The following RASGRF1 variants were observed in gnomAD, a reference collection of about 807,000 sequenced individuals.
RASGRF1 encodes Ras protein specific guanine nucleotide releasing factor 1.
Under a neutral mutation model 138.7 loss-of-function variants are expected in RASGRF1, and 40 were observed. The ratio of observed to expected loss-of-function variants is 0.29; its 90% CI spans 0.22 to 0.38. The LOEUF is 0.38. Among genes scored for constraint, RASGRF1 ranks in the 10% least tolerant of loss-of-function variants. RASGRF1 has a pLI of 1.00. For synonymous variants in RASGRF1, 614 were observed against 663.2 expected, an observed-to-expected ratio of 0.93 and a Z score of 1.14; for missense variants, 1,108 against 1,650.4, an observed-to-expected ratio of 0.67 and a Z score of 5.69.
At chr15:79,010,100 G>A (rs570159523) in intron 13 of RASGRF1, among the ~76,000 whole-genome samples, 51 of 150,034 alleles carry the variant, frequency 3.4e-4, no homozygotes, top group African/African-American at 1.0e-3. Flanking sequence ...GGGCAGTGGC[G>A]CAATGTCGGC....
chr15:79,024,878 T>C (rs1595913864), intron 10 of RASGRF1, among the ~76,000 whole-genome samples: 1 of 150,246 alleles, frequency 6.7e-6, no homozygotes, highest in South Asian at 2.1e-4. Flanking sequence ...CACACACACA[T>C]ATATATACAC....
At position 78,973,569 on chromosome 15, in the gene RASGRF1, T is replaced by C. The variant is rs144988501; in HGVS notation, c.3495-149A>G. On this transcript the variant is annotated intron_variant, in intron 24 of 26. Transcript: ENST00000558480. The surrounding 1 kb of genome is among the most constrained non-coding windows in gnomAD (Gnocchi z 4.9). The stretch of plus-strand genomic sequence containing the variant: ...TCACACTACACTCTAGAACTGACTA[T>C]TCTACACGCCCAGGACTGTCGGCTG... 3.2e-4 allele frequency: 194 copies of C among 606,038 alleles called. No individual in the cohort carries two copies. The highest frequency in any genetic ancestry group is 3.1e-3 in the African/African-American group (164 of 53,402). The allele number at this position is 606,038 out of a possible 1,614,324, so 37.5% of individuals were successfully genotyped here.
At chr15:78,984,521 C>T (rs986256650) in intron 23 of RASGRF1, 10 of 215,918 alleles carry the variant, frequency 4.6e-5, no homozygotes, top group East Asian at 4.2e-4. Context: ...CTAGCCAACA[C>T]GTTCCAGGAA....
intron 4 of RASGRF1, among the ~76,000 whole-genome samples, chr15:79,047,314 C>T (rs888847936): frequency 6.6e-6 from 1 of 152,166 alleles, no homozygotes; most frequent in African/African-American, 2.4e-5. Context: ...GATTCTCAAG[C>T]CCCACCCCAG....
intron 5 of RASGRF1, among the ~76,000 whole-genome samples, chr15:79,043,222 A>T (rs969269589): frequency 6.6e-5 from 10 of 152,214 alleles, no homozygotes; most frequent in Non-Finnish European, 1.3e-4. Flanking sequence ...CTGCTTGATC[A>T]GGATGTATTA....
chr15:78,966,421 A>G, intron 26 of RASGRF1, among the ~76,000 whole-genome samples: 1 of 142,278 alleles, frequency 7.0e-6, no homozygotes, highest in South Asian at 2.2e-4. Context: ...ATTTTTTTGT[A>G]GAGTTGGGAG....
rs1303838909 is a variant in RASGRF1, at chr15:79,027,674, G to A, written c.1381+67C>T. Reference sequence around the variant, plus strand: ...AAACCAACTGGTGGCGTCCCCGAGTGCCGCCTCCCTCCCGCTGCTGGGGCC... The same window carrying A: ...AAACCAACTGGTGGCGTCCCCGAGTACCGCCTCCCTCCCGCTGCTGGGGCC... On this transcript the variant is annotated intron_variant, in intron 9 of 26. Transcript: ENST00000558480. This position sits in a 1 kb window ranked among gnomAD's most constrained non-coding sequence, Gnocchi z 4.8. 5.5e-6 allele frequency: 8 copies of A among 1,465,122 alleles called. No homozygotes were observed. In the East Asian group the frequency reaches 1.8e-4, roughly 33 times the overall value. The allele number at this position is 1,465,122 out of a possible 1,614,324, so 90.8% of individuals were successfully genotyped here. A position where few individuals can be genotyped will look rare whatever the true frequency, so the allele number is the denominator to read the frequency against.
At chr15:79,051,456 C>T (rs944636859) in intron 3 of RASGRF1, among the ~76,000 whole-genome samples, 14 of 146,062 alleles carry the variant, frequency 9.6e-5, no homozygotes, top group Admixed American at 7.4e-4. Flanking sequence ...CTAAGGAACA[C>T]GCAAGCGTAC....
At chr15:79,068,195 G>C (rs1398143654) in intron 1 of RASGRF1, among the ~76,000 whole-genome samples, 1 of 152,124 alleles carries the variant, frequency 6.6e-6, no homozygotes, top group African/African-American at 2.4e-5. Context: ...GGTGTCTCTG[G>C]GATGGCTGTC....
At chr15:78,991,079 C>T (rs193216783) in intron 21 of RASGRF1, among the ~76,000 whole-genome samples, 7 of 152,296 alleles carry the variant, frequency 4.6e-5, no homozygotes, top group Admixed American at 1.3e-4. Context: ...GGATGTTTAC[C>T]GCAGGGATAA....
intron 1 of RASGRF1, among the ~76,000 whole-genome samples, chr15:79,081,898 C>T (rs1194300356): frequency 6.6e-6 from 1 of 152,144 alleles, no homozygotes; most frequent in East Asian, 1.9e-4. Flanking sequence ...CTTGTTAATT[C>T]CAGGGAAGCC....
chr15:79,076,541 T>C lies in RASGRF1; in HGVS notation c.277-12015A>G, dbSNP rs565303866. On this transcript the variant is annotated intron_variant, in intron 1 of 26. Transcript: ENST00000558480. ...TGAGGCTCCTGGGAATGTGGCATAG[T>C]GGCACAGAGAGACCAGGCTGATGAG... Among the ~76,000 whole-genome samples the C allele has an allele frequency of 8.8e-4, 134 of 152,274 alleles. 1 individual carries two copies. Among genetic ancestry groups the C allele is most frequent in the African/African-American group, 3.0e-3 (124 of 41,528 alleles).
intron 7 of RASGRF1, among the ~76,000 whole-genome samples, chr15:79,031,737 G>A (rs1324819560): frequency 6.6e-6 from 1 of 151,246 alleles, no homozygotes; most frequent in Non-Finnish European, 1.5e-5. Flanking sequence ...GCGGGCCAGG[G>A]GAGAGAGAGC....
intron 4 of RASGRF1, among the ~76,000 whole-genome samples, chr15:79,048,428 T>C (rs546614974): frequency 6.6e-5 from 10 of 152,342 alleles, no homozygotes; most frequent in African/African-American, 2.2e-4. Flanking sequence ...TGTAAATACT[T>C]AGCTGTGTGA....
At chr15:79,033,905 A>G (rs2057181932) in intron 6 of RASGRF1, among the ~76,000 whole-genome samples, 2 of 152,130 alleles carry the variant, frequency 1.3e-5, no homozygotes, top group Admixed American at 1.3e-4. Context: ...ATCTTCTTAT[A>G]AGTCCCATTT....
chr15:79,063,163 T>C (rs1055006454), intron 2 of RASGRF1, among the ~76,000 whole-genome samples: 7 of 152,244 alleles, frequency 4.6e-5, no homozygotes, highest in Non-Finnish European at 7.3e-5. Context: ...ATATGTCTAA[T>C]GTCTACCTGA....
intron 26 of RASGRF1, among the ~76,000 whole-genome samples, chr15:78,966,755 A>G (rs1039208543): frequency 1.3e-5 from 2 of 152,120 alleles, no homozygotes; most frequent in African/African-American, 4.8e-5. Context: ...CAGTTCTTAC[A>G]GAGCCCCCCA....
At position 78,995,809 on chromosome 15, in the gene RASGRF1, G is replaced by C. The variant is rs780617118; in HGVS notation, c.2967-9C>G. The C allele has an allele frequency of 1.2e-6, 2 of 1,614,082 alleles. No homozygotes were observed. Among genetic ancestry groups the C allele is most frequent in the Non-Finnish European group, 1.7e-6 (2 of 1,180,010 alleles). On this transcript the variant is annotated splice_polypyrimidine_tract_variant and intron_variant, in intron 19 of 26. Coordinates refer to ENST00000558480, the MANE Select transcript of RASGRF1 (RefSeq NM_001145648.3). ...CCTCCTGGGTCAGAGTCCTAGGCAG[G>C]AGCGAGAAGGCACGGTGAGCCCCAC...
At chr15:79,082,034 C>T (rs1224598531) in intron 1 of RASGRF1, among the ~76,000 whole-genome samples, 2 of 152,212 alleles carry the variant, frequency 1.3e-5, no homozygotes, top group East Asian at 3.9e-4. Flanking sequence ...ACACCACATA[C>T]TATCCGTGTC....
Sources: allele counts gnomAD v4.1 joint callset (sites outside exome capture counted in the v4.1 genomes callset), GRCh38; gene constraint gnomAD v4.1.1; non-coding constraint Gnocchi (gnomAD v3.1); transcripts MANE v1.5; gene names NCBI Gene and HGNC (gene_info 2026-07-23, HGNC 2026-07-21).